The following CTNNA2 variants were observed in gnomAD, a reference collection of about 807,000 sequenced individuals.
CTNNA2 encodes catenin alpha-2.
A neutral mutation model predicts 101.0 loss-of-function variants in CTNNA2; 42 were observed. The observed-to-expected ratio is 0.42, with a 90% CI of 0.32 to 0.54. The LOEUF (loss-of-function observed/expected upper bound fraction) is 0.54, where lower values mean the gene tolerates loss of function less well. Ranked by LOEUF, CTNNA2 falls within the 20% of genes least tolerant of loss-of-function variation. The pLI, the probability that CTNNA2 is intolerant of heterozygous loss-of-function variation, is 0.14. For missense variants in CTNNA2, 871 were observed against 1,223.1 expected (o/e 0.71, Z 4.29); for synonymous variants, 450 against 456.4 (o/e 0.99, Z 0.18).
At chr2:79,716,862 T>G (rs1260740010) in intron 2 of CTNNA2, among the ~76,000 whole-genome samples, 3 of 152,140 alleles carry the variant, frequency 2.0e-5, no homozygotes, top group Non-Finnish European at 2.9e-5. Flanking sequence ...TCATGTTACT[T>G]GTATCAGAAA....
chr2:80,483,169 AC>A (rs1381455246), intron 9 of CTNNA2, among the ~76,000 whole-genome samples: 1 of 151,998 alleles, frequency 6.6e-6, no homozygotes, highest in Non-Finnish European at 1.5e-5. Context: ...AACATTTTGT[AC>A]CTTTTGTTCA....
At chr2:79,949,187 C>T (rs993584625) in intron 7 of CTNNA2, among the ~76,000 whole-genome samples, 1 of 152,018 alleles carries the variant, frequency 6.6e-6, no homozygotes, top group Non-Finnish European at 1.5e-5. Context: ...TTTCAAGTCT[C>T]AATAGGATAA....
intron 7 of CTNNA2, among the ~76,000 whole-genome samples, chr2:79,989,966 C>A (rs1200397792): frequency 6.6e-6 from 1 of 152,038 alleles, no homozygotes; most frequent in Admixed American, 6.6e-5. Context: ...CGATTCATAC[C>A]CCTAGCAGCT....
intron 7 of CTNNA2, among the ~76,000 whole-genome samples, chr2:80,154,498 G>A (rs1221553279): frequency 6.6e-6 from 1 of 152,132 alleles, no homozygotes; most frequent in Non-Finnish European, 1.5e-5. Flanking sequence ...TGATTACGAG[G>A]GGTAGGGAGC....
At chr2:80,023,160 G>A (rs1270391774) in intron 7 of CTNNA2, among the ~76,000 whole-genome samples, 2 of 152,028 alleles carry the variant, frequency 1.3e-5, no homozygotes, top group East Asian at 3.9e-4. Context: ...CCCTAAACTG[G>A]TACTTTCCCA....
intron 9 of CTNNA2, among the ~76,000 whole-genome samples, chr2:80,537,165 A>G (rs1691115422): frequency 6.6e-6 from 1 of 152,030 alleles, no homozygotes; most frequent in African/African-American, 2.4e-5. Context: ...TATGAGTGAG[A>G]ACATGCAGTG....
intron 7 of CTNNA2, among the ~76,000 whole-genome samples, chr2:80,143,291 GTTATA>G (rs2148913856): frequency 6.6e-6 from 1 of 152,160 alleles, no homozygotes; most frequent in South Asian, 2.1e-4. Flanking sequence ...ATTTTTTTGT[GTTATA>G]TTATTTGGGA....
intron 7 of CTNNA2, among the ~76,000 whole-genome samples, chr2:80,279,228 G>A (rs1400197049): frequency 6.6e-6 from 1 of 152,064 alleles, no homozygotes; most frequent in Non-Finnish European, 1.5e-5. Flanking sequence ...ACTGGAGGAG[G>A]TCCTGCAGCT....
intron 5 of CTNNA2, among the ~76,000 whole-genome samples, chr2:79,873,862 A>G (rs557933454): frequency 1.1e-3 from 168 of 152,142 alleles, no homozygotes; most frequent in Non-Finnish European, 1.9e-3. Context: ...TGATAACACC[A>G]CTGTACTCCA....
intron 7 of CTNNA2, among the ~76,000 whole-genome samples, chr2:79,923,062 C>G (rs962620154): frequency 2.0e-5 from 3 of 152,108 alleles, no homozygotes; most frequent in Non-Finnish European, 2.9e-5. Context: ...TAGCAGAACC[C>G]TGCCAGCACT....
At chr2:79,429,705 C>T (rs1029851170) in intron 4 of CTNNA2, among the ~76,000 whole-genome samples, 5 of 152,194 alleles carry the variant, frequency 3.3e-5, no homozygotes, top group African/African-American at 1.2e-4. Context: ...CAGATTTAAA[C>T]TGAATAAGAG....
chr2:80,145,493 G>A (rs1199607076), intron 7 of CTNNA2, among the ~76,000 whole-genome samples: 1 of 152,130 alleles, frequency 6.6e-6, no homozygotes, highest in Non-Finnish European at 1.5e-5. Context: ...CCTCCCCAAA[G>A]CATTTCTATT....
chr2:80,475,554 A>T (rs1251046122), intron 9 of CTNNA2, among the ~76,000 whole-genome samples: 2 of 152,156 alleles, frequency 1.3e-5, no homozygotes, highest in Admixed American at 1.3e-4. Flanking sequence ...GCATCAGGAA[A>T]TCTGCTATTC....
intron 7 of CTNNA2, among the ~76,000 whole-genome samples, chr2:80,125,743 A>G (rs1240973036): frequency 1.3e-5 from 2 of 152,156 alleles, no homozygotes; most frequent in Admixed American, 6.6e-5. Context: ...AATTAGAGAT[A>G]TCTTTCTAAT....
chr2:79,534,547 A>C (rs967735246), intron 1 of CTNNA2, among the ~76,000 whole-genome samples: 19 of 152,114 alleles, frequency 1.2e-4, no homozygotes, highest in African/African-American at 4.3e-4. Context: ...TTTTCCCTGT[A>C]AGCCTCATAG....
At chr2:79,353,324 C>A (rs144059001) in intron 3 of CTNNA2, among the ~76,000 whole-genome samples, 7 of 152,200 alleles carry the variant, frequency 4.6e-5, no homozygotes, top group African/African-American at 1.2e-4. Flanking sequence ...ACATTGAGTT[C>A]TATTTTTATT....
At chr2:80,101,549 C>T (rs1368207705) in intron 7 of CTNNA2, among the ~76,000 whole-genome samples, 5 of 152,102 alleles carry the variant, frequency 3.3e-5, no homozygotes, top group African/African-American at 1.2e-4. Context: ...TAGCCTAATC[C>T]CAATTCTCCT....
rs1451789665 is a variant in CTNNA2 at position 79,914,259 on chromosome 2, GAAAAAT to G, written c.1056+4463_1056+4468del. ...TTGCATTTGAAAGGGGAGTTAAGTAGAAAAATTTTGTTTCAACGTTGTATCACCAAA... is the reference window on the plus strand; with the variant it reads ...TTGCATTTGAAAGGGGAGTTAAGTAGTTTGTTTCAACGTTGTATCACCAAA... On this transcript the variant is annotated intron_variant, in intron 7 of 18. Transcript: ENST00000402739. Among the ~76,000 whole-genome samples the G allele has an allele frequency of 1.5e-3, 231 of 151,382 alleles. 1 individual carries two copies. The highest frequency in any genetic ancestry group is 5.3e-3 in the African/African-American group (217 of 41,278).
At chr2:79,188,427 G>A (rs1444721996) in intron 1 of CTNNA2, among the ~76,000 whole-genome samples, 1 of 152,112 alleles carries the variant, frequency 6.6e-6, no homozygotes, top group Non-Finnish European at 1.5e-5. Context: ...TGTCACCTGG[G>A]GCACTTCATT....
Sources: gnomAD v4.1 joint callset for allele counts (sites outside exome capture counted in the v4.1 genomes callset) on GRCh38, gnomAD v4.1.1 for gene constraint, MANE v1.5 for transcripts, NCBI Gene and HGNC (gene_info 2026-07-23, HGNC 2026-07-21) for gene names.